Variants in SIK3 observed in about 807,000 individuals in gnomAD.
SIK3 encodes SIK family kinase 3.
SIK3 carries 28 observed loss-of-function variants against 144.2 expected under a neutral mutation model. That is an observed-to-expected ratio of 0.19 (90% CI 0.14 to 0.27). The LOEUF (loss-of-function observed/expected upper bound fraction) is 0.27. Ranked by LOEUF, SIK3 falls within the 10% of genes least tolerant of loss-of-function variation. SIK3 has a pLI of 1.00. For synonymous variants in SIK3, 686 were observed against 676.3 expected (o/e 1.01, Z -0.22); for missense variants, 1,319 against 1,776.0 (o/e 0.74, Z 4.62).
intron 1 of SIK3, among the ~76,000 whole-genome samples, chr11:117,018,612 T>C (rs1255019723): frequency 2.6e-5 from 4 of 152,220 alleles, no homozygotes; most frequent in South Asian, 2.1e-4. Context: ...GGGCAAATGT[T>C]GCTGGGAAGG....
At chr11:116,953,204 C>T (rs546824745) in intron 3 of SIK3, among the ~76,000 whole-genome samples, 1 of 152,078 alleles carries the variant, frequency 6.6e-6, no homozygotes, top group South Asian at 2.1e-4. Context: ...TTTTATCGTG[C>T]AGGAAGGAGC....
At chr11:116,903,045 T>G (rs17120136) in intron 4 of SIK3, among the ~76,000 whole-genome samples, 11,335 of 152,300 alleles carry the variant, frequency 0.074, 506 homozygotes, top group Middle Eastern at 0.11. Flanking sequence ...TAAAATTCTG[T>G]CTAATTTGCT....
At chr11:117,047,303 G>A (rs904610444) in intron 1 of SIK3, among the ~76,000 whole-genome samples, 1 of 152,204 alleles carries the variant, frequency 6.6e-6, no homozygotes, top group East Asian at 1.9e-4. Context: ...CGTGACACTA[G>A]TGTTTTGACT....
At position 116,867,460 on chromosome 11, in the gene SIK3, G is replaced by A. The variant is rs1943709128; in HGVS notation, c.1952+486C>T. On this transcript the variant is annotated intron_variant, in intron 15 of 24. Transcript: ENST00000445177. The surrounding 1 kb of genome is among the most constrained non-coding windows in gnomAD (Gnocchi z 4.1). ...GAAAGAATGACCTCTTAAATACATCGCTCAAGAGGATCTCTGCTCTACTAT... is the reference window on the plus strand; with the variant it reads ...GAAAGAATGACCTCTTAAATACATCACTCAAGAGGATCTCTGCTCTACTAT... Among the ~76,000 whole-genome samples, 2 of 152,084 alleles carry A rather than the reference G, an allele frequency of 1.3e-5. No individual in the cohort carries two copies. Among genetic ancestry groups the A allele is most frequent in the African/African-American group, 4.8e-5 (2 of 41,420 alleles).
intron 1 of SIK3, among the ~76,000 whole-genome samples, chr11:116,983,706 A>G (rs1441919469): frequency 6.6e-6 from 1 of 151,654 alleles, no homozygotes; most frequent in African/African-American, 2.4e-5. Context: ...GATACTTCAC[A>G]TGTTTTAAAC....
chr11:117,073,644 G>A lies in SIK3; in HGVS notation c.273+24499C>T, dbSNP rs539493735. Among the ~76,000 whole-genome samples the A allele has an allele frequency of 2.3e-3, 348 of 150,150 alleles. 1 individual carries two copies. The highest frequency in any genetic ancestry group is 3.8e-3 in the Non-Finnish European group (255 of 67,316). ...CACTTAGCATACAGCAATTAAGATG[G>A]AAGTCTATTGACCAGACCTACACAC... On this transcript the variant is annotated intron_variant, in intron 1 of 24. Transcript: ENST00000445177.
At chr11:116,939,993 ATGCCC>A (rs1948197539) in intron 3 of SIK3, among the ~76,000 whole-genome samples, 1 of 152,218 alleles carries the variant, frequency 6.6e-6, no homozygotes, top group African/African-American at 2.4e-5. Flanking sequence ...AAAGCTAAAC[ATGCCC>A]TGGCTATTAC....
At chr11:117,048,885 G>C (rs766645609) in intron 1 of SIK3, among the ~76,000 whole-genome samples, 3 of 152,090 alleles carry the variant, frequency 2.0e-5, no homozygotes, top group Non-Finnish European at 4.4e-5. Context: ...TGTGGATCAT[G>C]AGGTCAGGAG....
At chr11:116,881,078 C>T (rs995660257) in intron 6 of SIK3, among the ~76,000 whole-genome samples, 1 of 151,932 alleles carries the variant, frequency 6.6e-6, no homozygotes, top group Non-Finnish European at 1.5e-5. Flanking sequence ...GAGCCGAGAT[C>T]GCACCACTGC....
rs1555127056 is a variant in SIK3 at position 117,013,905 on chromosome 11, G to GTGTGTGT, written c.274-56842_274-56841insACACACA. On this transcript the variant is annotated intron_variant, in intron 1 of 24. Transcript: ENST00000445177. ...TATAAGTCTCCAGATTCTGAGGGGG[G>GTGTGTGT]GGGGGGGAGGGTGTGTGTGTGTGTG... 7.3e-3 allele frequency among the ~76,000 whole-genome samples: 344 copies of GTGTGTGT among 47,300 alleles called. 23 individuals are homozygous for GTGTGTGT. The highest frequency in any genetic ancestry group is 0.018 in the African/African-American group (274 of 14,968). 31.0% of individuals were successfully genotyped at this position (47,300 alleles called of 152,430 possible).
intron 4 of SIK3, among the ~76,000 whole-genome samples, chr11:116,901,235 C>T (rs115650681): frequency 4.5e-4 from 68 of 152,226 alleles, no homozygotes; most frequent in African/African-American, 1.6e-3. Context: ...GAGGAGATAC[C>T]GTTTTATTTA....
At chr11:117,091,990 C>T (rs1955268485) in intron 1 of SIK3, among the ~76,000 whole-genome samples, 2 of 152,040 alleles carry the variant, frequency 1.3e-5, no homozygotes, top group Non-Finnish European at 2.9e-5. Context: ...ACTATGTTGC[C>T]CAGGCTGGTC....
At chr11:116,931,919 T>C (rs1449037416) in intron 3 of SIK3, among the ~76,000 whole-genome samples, 1 of 152,178 alleles carries the variant, frequency 6.6e-6, no homozygotes, top group African/African-American at 2.4e-5. Flanking sequence ...AGAGGGTTTG[T>C]CATTTTGTCT....
Position 116,846,406 on chromosome 11 carries a change from G to T in SIK3, c.4100C>A (p.Ala1367Glu). Residue 1367 changes from alanine to glutamate, a missense_variant, in exon 24 of 25, where the codon GCA (alanine) becomes GAA (glutamate). Physicochemically the swap from Ala to Glu is moderately radical, Grantham distance 107. This residue lies in a region of SIK3 where 646 missense variants were observed against 763.7 expected (regional missense o/e 0.85). Coordinates refer to ENST00000445177, the MANE Select transcript of SIK3 (RefSeq NM_001366686.3). The surrounding 1 kb of genome is among the most constrained non-coding windows in gnomAD (Gnocchi z 4.1). ...ACTCTCTGTTTCTTGTTACACGCCT[G>T]CCTGCTCCATGCTGAAGGAGACTTC... ...HPEVSFSMEQ[A>E]GV 6.2e-7 allele frequency: 1 copy of T among 1,614,144 alleles called. No individual in the cohort carries two copies. Among genetic ancestry groups the T allele is most frequent in the Non-Finnish European group, 8.5e-7 (1 of 1,180,026 alleles).
chr11:116,917,776 G>A (rs1335635386), intron 4 of SIK3, among the ~76,000 whole-genome samples: 1 of 140,196 alleles, frequency 7.1e-6, no homozygotes, highest in Non-Finnish European at 1.5e-5. Flanking sequence ...GAGAAAGAAC[G>A]AAAGAAAGAA....
chr11:117,082,309 A>T, intron 1 of SIK3, among the ~76,000 whole-genome samples: 1 of 152,184 alleles, frequency 6.6e-6, no homozygotes, highest in East Asian at 1.9e-4. Flanking sequence ...TGAAAACATG[A>T]TCACACAGAA....
At chr11:116,880,812 C>A (rs576765228) in intron 6 of SIK3, among the ~76,000 whole-genome samples, 1 of 152,132 alleles carries the variant, frequency 6.6e-6, no homozygotes, top group Non-Finnish European at 1.5e-5. Flanking sequence ...CCAAGAACTA[C>A]TCTATTTTAT....
At chr11:116,926,919 G>A (rs1001920244) in intron 4 of SIK3, among the ~76,000 whole-genome samples, 9 of 151,692 alleles carry the variant, frequency 5.9e-5, no homozygotes, top group Non-Finnish European at 1.3e-4. Context: ...TACTTGGGAG[G>A]CTGAGGCAGG....
intron 1 of SIK3, among the ~76,000 whole-genome samples, chr11:117,016,394 G>GGGAGGGAGGGAGGGAAAGAA (rs1555128245): frequency 3.4e-5 from 2 of 59,328 alleles, no homozygotes; most frequent in Admixed American, 3.6e-4. Context: ...GAGGGAGGGA[G>GGGAGGGAGGGAGGGAAAGAA]GGAAGGAAGG....
Sources: gnomAD v4.1 joint callset for allele counts (sites outside exome capture counted in the v4.1 genomes callset) on GRCh38, gnomAD v4.1.1 for gene constraint, gnomAD v4.1.1 regional missense constraint, Gnocchi (gnomAD v3.1) non-coding constraint, MANE v1.5 for transcripts, NCBI Gene and HGNC (gene_info 2026-07-23, HGNC 2026-07-21) for gene names.